The following RORA variants were observed in gnomAD, a reference collection of about 807,000 sequenced individuals.
RORA encodes the protein nuclear receptor ROR-alpha.
In RORA, 7 loss-of-function variants were observed where a neutral mutation model predicts 69.5. The ratio of observed to expected loss-of-function variants is 0.10; its 90% CI spans 0.06 to 0.19. The LOEUF (loss-of-function observed/expected upper bound fraction) is 0.19, where lower values mean the gene tolerates loss of function less well. Among genes scored for constraint, RORA ranks in the 10% least tolerant of loss-of-function variants. RORA has a pLI of 1.00. For synonymous variants in RORA, 261 were observed against 240.8 expected, an observed-to-expected ratio of 1.08 and a Z score of -0.78; for missense variants, 457 against 663.0, an observed-to-expected ratio of 0.69 and a Z score of 3.41.
chr15:60,543,347 T>C (rs1357071227), intron 2 of RORA, among the ~76,000 whole-genome samples: 3 of 152,176 alleles, frequency 2.0e-5, no homozygotes, highest in Non-Finnish European at 4.4e-5. Flanking sequence ...TCTTAATCTC[T>C]CTGTGCCTCA....
chr15:61,080,584 T>C (rs1223905154), intron 1 of RORA, among the ~76,000 whole-genome samples: 2 of 152,226 alleles, frequency 1.3e-5, no homozygotes, highest in Admixed American at 1.3e-4. Context: ...CTGCCCCATC[T>C]TGTGCCTGGT....
intron 1 of RORA, chr15:60,765,556 A>G (rs948450013): frequency 2.6e-5 from 4 of 152,260 alleles, no homozygotes; most frequent in Non-Finnish European, 4.4e-5. Context: ...AGAGATAGCC[A>G]AGTTACCACA....
chr15:60,985,582 C>CTTT (rs11451387), intron 1 of RORA, among the ~76,000 whole-genome samples: 19,008 of 99,516 alleles, frequency 0.19, 2,658 homozygotes, highest in Non-Finnish European at 0.24. Flanking sequence ...AACTCATCCT[C>CTTT]TTTTTTTTTT....
intron 2 of RORA, among the ~76,000 whole-genome samples, chr15:60,613,741 T>TGTGTGTG (rs2069154729): frequency 1.5e-5 from 2 of 136,182 alleles, no homozygotes; most frequent in East Asian, 2.0e-4. Context: ...TGTGTGTGTG[T>TGTGTGTG]TAGGATTACA....
chr15:60,695,754 T>C (rs2070894702), intron 1 of RORA, among the ~76,000 whole-genome samples: 1 of 152,128 alleles, frequency 6.6e-6, no homozygotes, highest in African/African-American at 2.4e-5. Context: ...ACAGCTATGC[T>C]TCCTGTGGCT....
chr15:60,797,289 C>T (rs932175833), intron 1 of RORA, among the ~76,000 whole-genome samples: 5 of 151,764 alleles, frequency 3.3e-5, no homozygotes, highest in African/African-American at 9.7e-5. Context: ...GTGTATTATA[C>T]CATTAAAAAA....
chr15:61,028,934 G>C (rs767107135), intron 1 of RORA, among the ~76,000 whole-genome samples: 2 of 152,240 alleles, frequency 1.3e-5, no homozygotes, highest in Non-Finnish European at 2.9e-5. Context: ...TGGTGGTGAG[G>C]GTGGTGGTGG....
chr15:60,969,121 T>C (rs983306285), intron 1 of RORA, among the ~76,000 whole-genome samples: 1 of 152,204 alleles, frequency 6.6e-6, no homozygotes, highest in African/African-American at 2.4e-5. Flanking sequence ...GGCCCATGGT[T>C]TCTGTGTGTC....
chr15:61,218,275 T>A (rs1286497461), intron 1 of RORA, among the ~76,000 whole-genome samples: 3 of 151,938 alleles, frequency 2.0e-5, no homozygotes, highest in Admixed American at 2.0e-4. Context: ...CTCAAAGATA[T>A]CGCCCTGAGA....
At chr15:60,887,949 G>T (rs1460714181) in intron 1 of RORA, among the ~76,000 whole-genome samples, 1 of 152,178 alleles carries the variant, frequency 6.6e-6, no homozygotes, top group Non-Finnish European at 1.5e-5. Flanking sequence ...AGGCTAATAA[G>T]AGCCCAAAAT....
At chr15:60,623,706 G>T (rs971963678) in intron 2 of RORA, among the ~76,000 whole-genome samples, 1 of 152,194 alleles carries the variant, frequency 6.6e-6, no homozygotes, top group African/African-American at 2.4e-5. Context: ...GATACAGAGG[G>T]GGATGAAAGC....
At chr15:61,145,332 A>G (rs549586726) in intron 1 of RORA, among the ~76,000 whole-genome samples, 1 of 152,328 alleles carries the variant, frequency 6.6e-6, no homozygotes, top group South Asian at 2.1e-4. Flanking sequence ...CCTGCAAGTT[A>G]CGTCTTATCA....
intron 1 of RORA, among the ~76,000 whole-genome samples, chr15:61,022,555 G>A (rs540967397): frequency 9.2e-5 from 14 of 152,122 alleles, no homozygotes; most frequent in African/African-American, 3.4e-4. Context: ...CACACATTCT[G>A]TTGATGCAAA....
intron 2 of RORA, among the ~76,000 whole-genome samples, chr15:60,669,573 A>G (rs901297860): frequency 6.6e-6 from 1 of 152,080 alleles, no homozygotes; most frequent in Admixed American, 6.5e-5. Flanking sequence ...ATTGGTTATG[A>G]GAGAAAGCCA....
At chr15:60,569,164 C>T (rs2067803772) in intron 2 of RORA, among the ~76,000 whole-genome samples, 1 of 151,616 alleles carries the variant, frequency 6.6e-6, no homozygotes, top group Admixed American at 6.6e-5. Flanking sequence ...TTTTGCACTC[C>T]TTCTCAAAAG....
At chr15:61,034,116 C>G (rs1896328819) in intron 1 of RORA, among the ~76,000 whole-genome samples, 1 of 152,038 alleles carries the variant, frequency 6.6e-6, no homozygotes, top group Non-Finnish European at 1.5e-5. Flanking sequence ...GAAGGCTTGC[C>G]AAAGCTATTT....
rs1567038312 is a variant in RORA, at chr15:60,501,011, G to A, written c.1242C>T (p.His414=). 6.2e-6 allele frequency: 10 copies of A among 1,610,698 alleles called. No homozygotes were observed. The highest frequency in any genetic ancestry group is 8.5e-6 in the Non-Finnish European group (10 of 1,177,314). Residue 414 remains histidine, a synonymous_variant, in exon 9 of 11, where the codon CAC becomes CAT. Coordinates refer to ENST00000335670, the MANE Select transcript of RORA (RefSeq NM_134261.3). ...ATAATGCAATTTCATCTTCAGTCAG[G>A]TGCATAGAACATAAACTCTTTCCAA... ...FEFGKSLCSM[H]LTEDEIALFS...
chr15:60,945,213 G>T (rs2140327269), intron 1 of RORA, among the ~76,000 whole-genome samples: 1 of 152,190 alleles, frequency 6.6e-6, no homozygotes, highest in East Asian at 1.9e-4. Flanking sequence ...CACATAAACT[G>T]CACAAATCAT....
At chr15:61,206,710 T>A (rs1360496505) in intron 1 of RORA, among the ~76,000 whole-genome samples, 1 of 152,196 alleles carries the variant, frequency 6.6e-6, no homozygotes, top group Non-Finnish European at 1.5e-5. Context: ...CACACCTGGA[T>A]GCAGTTTGCT....
Sources: gnomAD v4.1 joint callset for allele counts (sites outside exome capture counted in the v4.1 genomes callset) on GRCh38, gnomAD v4.1.1 for gene constraint, MANE v1.5 for transcripts, NCBI Gene and HGNC (gene_info 2026-07-23, HGNC 2026-07-21) for gene names.